The following HNRNPK variants were observed in gnomAD, a reference collection of about 807,000 sequenced individuals.
The protein encoded by HNRNPK is heterogeneous nuclear ribonucleoprotein K.
Under a neutral mutation model 67.0 loss-of-function variants are expected in HNRNPK, and 7 were observed. The ratio of observed to expected loss-of-function variants is 0.10; its 90% confidence interval spans 0.06 to 0.20. HNRNPK has a LOEUF of 0.20. Among genes scored for constraint, HNRNPK ranks in the 10% least tolerant of loss-of-function variants. HNRNPK has a pLI of 1.00. For synonymous variants in HNRNPK, 213 were observed against 193.7 expected (o/e 1.10, Z -0.83); for missense variants, 264 against 606.5 (o/e 0.44, Z 5.93).
chr9:83,978,267 C>T lies in HNRNPK; in HGVS notation c.-15G>A, dbSNP rs775804470. The T allele has an allele frequency of 1.3e-6, 2 of 1,597,670 alleles. No homozygotes were observed. The highest frequency in any genetic ancestry group is 1.7e-5 in the Admixed American group (1 of 58,628). ...TCAGTTTCCATATTCTTTTATTAAA[C>T]GGGCACACCAATCTGTGGAAAAATA... On this transcript the variant is annotated 5_prime_UTR_variant, in exon 3 of 17. Coordinates refer to ENST00000376263, the MANE Select transcript of HNRNPK (RefSeq NM_031263.4).
chr9:83,976,818 T>A, intron 5 of HNRNPK, 177 bp downstream of exon 5: 4 of 449,450 alleles, frequency 8.9e-6, no homozygotes, highest in Non-Finnish European at 1.2e-5. Flanking sequence ...CCCTGCTCAA[T>A]CTGGGCTTTT....
intron 10 of HNRNPK, among the ~76,000 whole-genome samples, chr9:83,972,451 G>GT (rs1564062586): frequency 6.6e-6 from 1 of 152,178 alleles, no homozygotes; most frequent in African/African-American, 2.4e-5. Flanking sequence ...CACTTAGATC[G>GT]TAAGAAACCA....
At chr9:83,979,837 CAA>C (rs982012762) in intron 1 of HNRNPK, among the ~76,000 whole-genome samples, 1 of 152,198 alleles carries the variant, frequency 6.6e-6, no homozygotes, top group Non-Finnish European at 1.5e-5. Context: ...GGGGCTCACA[CAA>C]AGAGAGCGGC....
chr9:83,977,660 C>T lies in HNRNPK; in HGVS notation c.156+29G>A, dbSNP rs376911884. On this transcript the variant is annotated intron_variant, in intron 4 of 16. Coordinates refer to ENST00000376263, the MANE Select transcript of HNRNPK (RefSeq NM_031263.4). ...TAATTTCTACCTGAGTATGAACCACCTTCAAATTTTCAAGAATAAAATTTA... is the reference window on the plus strand; with the variant it reads ...TAATTTCTACCTGAGTATGAACCACTTTCAAATTTTCAAGAATAAAATTTA... 11 of 1,399,344 alleles carry T rather than the reference C, an allele frequency of 7.9e-6. No homozygotes were observed. The African/African-American group carries it at 1.4e-4, about 18-fold the overall frequency. The allele number at this position is 1,399,344 out of a possible 1,614,324, so 86.7% of individuals were successfully genotyped here.
Position 83,968,825 on chromosome 9 carries a change from C to T in HNRNPK, c.*582G>A, listed in dbSNP as rs1444386208. Reference sequence around the variant, plus strand: ...TCCAACAGAGGAGCTGAAAATTAAACTTAGTGTTTAGTTTGGGGGTGGGTT... The same window carrying T: ...TCCAACAGAGGAGCTGAAAATTAAATTTAGTGTTTAGTTTGGGGGTGGGTT... On this transcript the variant is annotated 3_prime_UTR_variant, in exon 17 of 17. Coordinates refer to ENST00000376263, the MANE Select transcript of HNRNPK (RefSeq NM_031263.4). 6.5e-6 allele frequency: 1 copy of T among 153,010 alleles called. No individual in the cohort carries two copies. Among genetic ancestry groups the T allele is most frequent in the East Asian group, 1.9e-4 (1 of 5,206 alleles). The allele number at this position is 153,010 out of a possible 1,614,324, so 9.5% of individuals were successfully genotyped here. A position where few individuals can be genotyped will look rare whatever the true frequency, so the allele number is the denominator to read the frequency against.
At position 83,972,555 on chromosome 9, in the gene HNRNPK, G is replaced by A. The variant is rs567225637; in HGVS notation, c.645+289C>T. Among the ~76,000 whole-genome samples, 4 of 152,266 alleles carry A rather than the reference G, an allele frequency of 2.6e-5. No homozygotes were observed. The South Asian group carries it at 8.3e-4, about 32-fold the overall frequency. On this transcript the variant is annotated intron_variant, in intron 10 of 16. Coordinates refer to ENST00000376263, the MANE Select transcript of HNRNPK (RefSeq NM_031263.4). Reference sequence around the variant, plus strand: ...TCTTGGCAAGCCTGTAATCCATACTGAGGCACCTGAGATAGGAAGCCCTGC... The same window carrying A: ...TCTTGGCAAGCCTGTAATCCATACTAAGGCACCTGAGATAGGAAGCCCTGC...
chr9:83,974,060 A>G (rs1956965772), intron 7 of HNRNPK, 87 bp from the exon 8 acceptor site: 2 of 747,612 alleles, frequency 2.7e-6, no homozygotes, highest in South Asian at 3.4e-5. Context: ...ACTACAACAT[A>G]TTTTAAATCT....
intron 14 of HNRNPK, 37 bp from the exon 15 acceptor site, chr9:83,970,856 G>C (rs184462197): frequency 1.9e-6 from 3 of 1,607,814 alleles, no homozygotes; most frequent in Non-Finnish European, 2.6e-6. Flanking sequence ...CATTTAAAAA[G>C]TATGAAATTA....
At position 83,971,708 on chromosome 9, in the gene HNRNPK, G is replaced by C; in HGVS notation, c.972C>G (p.Asp324Glu). 1 of 1,613,858 alleles carries C rather than the reference G, an allele frequency of 6.2e-7. No homozygotes were observed. The highest frequency in any genetic ancestry group is 8.5e-7 in the Non-Finnish European group (1 of 1,179,732). The change falls in exon 12 of 17, where the codon GAC (aspartate) becomes GAG (glutamate). Residue 324 changes from aspartate (D) to glutamate (E), a missense_variant. Around this residue, in one of 6 missense-constraint regions of HNRNPK, gnomAD observed 142 missense variants for 256.5 expected, o/e 0.55. Transcript: ENST00000376263. ...AACGGTCTCCAGGTCTCCCTCTTCT[G>C]TCATAGGCCATGAGGTCTCTGCAAG... ...PPRGGDLMAY[D>E]RRGRPGDRYD...
chr9:83,979,836 A>G (rs1193469233), intron 1 of HNRNPK, among the ~76,000 whole-genome samples: 1 of 152,046 alleles, frequency 6.6e-6, no homozygotes, highest in African/African-American at 2.4e-5. Context: ...CGGGGCTCAC[A>G]CAAAGAGAGC....
At position 83,972,791 on chromosome 9, in the gene HNRNPK, G is replaced by A. The variant is rs3765560; in HGVS notation, c.645+53C>T. ...TGCTCTGAAGCTACTTTTGCAGAAG[G>A]TTATCACTTTGTTTCATAAAATCAA... On this transcript the variant is annotated intron_variant, in intron 10 of 16. Transcript: ENST00000376263. 10 of 1,424,288 alleles carry A rather than the reference G, an allele frequency of 7.0e-6. No individual in the cohort carries two copies. In the East Asian group the frequency reaches 7.6e-5, roughly 11 times the overall value. The allele number at this position is 1,424,288 out of a possible 1,614,324, so 88.2% of individuals were successfully genotyped here.
intron 3 of HNRNPK, 112 bp downstream of exon 3, chr9:83,978,083 A>G (rs1222118612): frequency 2.8e-6 from 2 of 714,546 alleles, no homozygotes; most frequent in Admixed American, 5.0e-5. Flanking sequence ...GCAGAATTAC[A>G]TAAACAGTAA....
intron 7 of HNRNPK, 88 bp from the exon 8 acceptor site, chr9:83,974,061 T>C (rs1384769707): frequency 5.4e-6 from 4 of 744,314 alleles, no homozygotes; most frequent in Non-Finnish European, 6.8e-6. Context: ...CTACAACATA[T>C]TTTAAATCTA....
intron 1 of HNRNPK, among the ~76,000 whole-genome samples, chr9:83,978,829 G>A (rs987410084): frequency 2.0e-5 from 3 of 152,142 alleles, no homozygotes; most frequent in Admixed American, 2.0e-4. Flanking sequence ...ACTTCCAATT[G>A]CTTTCCTATT....
intron 5 of HNRNPK, among the ~76,000 whole-genome samples, chr9:83,976,187 G>A (rs1284983068): frequency 2.0e-5 from 3 of 152,154 alleles, no homozygotes; most frequent in Non-Finnish European, 4.4e-5. Context: ...AAATTTTCAA[G>A]TTCAGTTTAC....
intron 3 of HNRNPK, 97 bp downstream of exon 3, chr9:83,978,098 A>G (rs1957153488): frequency 1.2e-6 from 1 of 804,018 alleles, no homozygotes; most frequent in Non-Finnish European, 2.1e-6. Context: ...CAGTAATACC[A>G]AAAATTCACC....
At position 83,968,509 on chromosome 9, in the gene HNRNPK, T is replaced by C. The variant is rs1956680225; in HGVS notation, c.*898A>G. 6.6e-6 allele frequency: 1 copy of C among 152,610 alleles called. No individual in the cohort carries two copies. The highest frequency in any genetic ancestry group is 2.4e-5 in the African/African-American group (1 of 41,450). 9.5% of individuals were successfully genotyped at this position (152,610 alleles called of 1,614,324 possible). ...ATTAGTCACTTCCATAACCAAGTGTTATTCTGATTAATAAAACTTGCTGCC... is the reference window on the plus strand; with the variant it reads ...ATTAGTCACTTCCATAACCAAGTGTCATTCTGATTAATAAAACTTGCTGCC... On this transcript the variant is annotated 3_prime_UTR_variant, in exon 17 of 17. Transcript: ENST00000376263.
chr9:83,971,865 C>A lies in HNRNPK; in HGVS notation c.953+17G>T, dbSNP rs572386998. 393 of 1,550,276 alleles carry A rather than the reference C, an allele frequency of 2.5e-4. No homozygotes were observed. Among genetic ancestry groups the A allele is most frequent in the Middle Eastern group, 1.6e-3 (9 of 5,724 alleles). On this transcript the variant is annotated intron_variant, in intron 11 of 16. Coordinates refer to ENST00000376263, the MANE Select transcript of HNRNPK (RefSeq NM_031263.4). ...ATGGGGGAAGAAAAAACAACAACAA[C>A]AAAAAAAACAACTTACCCCCCTCTA...
At chr9:83,970,511 C>T in intron 15 of HNRNPK, 180 bp from the exon 16 acceptor site, 1 of 648,686 alleles carries the variant, frequency 1.5e-6, no homozygotes, top group Non-Finnish European at 2.6e-6. Flanking sequence ...ACTAATGTTT[C>T]CCTTAGTTAG....
Sources: allele counts gnomAD v4.1 joint callset (sites outside exome capture counted in the v4.1 genomes callset), GRCh38; gene constraint gnomAD v4.1.1; regional missense constraint gnomAD v4.1.1; transcripts MANE v1.5; gene names NCBI Gene and HGNC (gene_info 2026-07-23, HGNC 2026-07-21).